ATRNL1: variants seen among roughly 807,000 people sequenced by gnomAD.
ATRNL1 encodes the protein attractin like 1, also known as attractin-like protein 1.
Under a neutral mutation model 182.7 loss-of-function variants are expected in ATRNL1, and 95 were observed. The ratio of observed to expected loss-of-function variants is 0.52; its 90% CI spans 0.44 to 0.62. The LOEUF is 0.62. ATRNL1 is among the 20% of genes least tolerant of loss of function. The pLI, the probability that ATRNL1 is intolerant of heterozygous loss-of-function variation, is 0.00. For missense variants in ATRNL1, 1,471 were observed against 1,679.5 expected, an observed-to-expected ratio of 0.88 and a Z score of 2.17; for synonymous variants, 576 against 568.3, an observed-to-expected ratio of 1.01 and a Z score of -0.19.
chr10:115,580,263 C>T (rs1250096405), intron 26 of ATRNL1, among the ~76,000 whole-genome samples: 2 of 152,078 alleles, frequency 1.3e-5, no homozygotes, highest in Non-Finnish European at 2.9e-5. Context: ...CAGTGACTTC[C>T]TACAGCATTT....
chr10:115,897,731 C>G (rs541585165), intron 28 of ATRNL1, among the ~76,000 whole-genome samples: 103 of 152,258 alleles, frequency 6.8e-4, no homozygotes, highest in African/African-American at 2.4e-3. Context: ...TTTGAGAATG[C>G]AGTCCCCGGA....
chr10:115,364,262 T>G (rs1856905795), intron 19 of ATRNL1, among the ~76,000 whole-genome samples: 1 of 127,334 alleles, frequency 7.9e-6, no homozygotes. Flanking sequence ...TTCCTAGGTA[T>G]TTTATTCTCT....
chr10:115,441,361 T>TA lies in ATRNL1; in HGVS notation c.3322+15060dup, dbSNP rs564187222. Among the ~76,000 whole-genome samples, 115 of 152,028 alleles carry TA rather than the reference T, an allele frequency of 7.6e-4. No homozygotes were observed. In the East Asian group the frequency reaches 0.015, roughly 20 times the overall value. ...TTGCCTAAACTTGTCACCAAATCCT[T>TA]ACCACCCATTTCCTCTTCAATCCCC... On this transcript the variant is annotated intron_variant, in intron 21 of 28. Transcript: ENST00000355044.
chr10:115,859,893 T>TTTC (rs1279707378), intron 28 of ATRNL1, among the ~76,000 whole-genome samples: 1 of 152,218 alleles, frequency 6.6e-6, no homozygotes, highest in African/African-American at 2.4e-5. Context: ...CACAGTGATC[T>TTTC]TTCTCTAAGA....
At chr10:115,803,752 CAT>C (rs1332807214) in intron 27 of ATRNL1, among the ~76,000 whole-genome samples, 1 of 151,958 alleles carries the variant, frequency 6.6e-6, no homozygotes, top group African/African-American at 2.4e-5. Context: ...TGGTTACTAA[CAT>C]ATAAATAAAC....
chr10:115,134,463 A>G (rs1442938606), intron 5 of ATRNL1, among the ~76,000 whole-genome samples: 3 of 152,162 alleles, frequency 2.0e-5, no homozygotes, highest in Non-Finnish European at 2.9e-5. Flanking sequence ...CTCGACACAC[A>G]CACCCTCCCA....
chr10:115,337,003 G>T (rs1181566668), intron 19 of ATRNL1, among the ~76,000 whole-genome samples: 1 of 147,066 alleles, frequency 6.8e-6, no homozygotes, highest in Admixed American at 6.8e-5. Flanking sequence ...ACAGGGGCCC[G>T]CCACCATGCC....
At chr10:115,271,080 T>A (rs1467875367) in intron 13 of ATRNL1, among the ~76,000 whole-genome samples, 1 of 152,012 alleles carries the variant, frequency 6.6e-6, no homozygotes, top group African/African-American at 2.4e-5. Flanking sequence ...AATACTATGA[T>A]GTAAAATCAA....
chr10:115,764,275 C>CAGTT (rs1333805847), intron 27 of ATRNL1, among the ~76,000 whole-genome samples: 2 of 152,160 alleles, frequency 1.3e-5, no homozygotes, highest in African/African-American at 4.8e-5. Context: ...CAGAGTGACA[C>CAGTT]AGTTGTTACA....
intron 5 of ATRNL1, among the ~76,000 whole-genome samples, chr10:115,151,543 T>C (rs1355875868): frequency 1.3e-5 from 2 of 152,256 alleles, no homozygotes; most frequent in Non-Finnish European, 2.9e-5. Context: ...TCTGTTCATA[T>C]CCTTCGCCCA....
chr10:115,451,469 TCAAAAAAAGA>T (rs1554967610), intron 21 of ATRNL1, among the ~76,000 whole-genome samples: 1 of 151,806 alleles, frequency 6.6e-6, no homozygotes, highest in East Asian at 1.9e-4. Context: ...ACAGAAACTT[TCAAAAAAAGA>T]CATACATGTG....
rs782589345 is a variant in ATRNL1 at position 115,093,832 on chromosome 10, G to A, written c.82G>A (p.Gly28Ser). ...GTGGAGGGCTCGGCCGGCGGGCGGC[G>A]GCGGCGGGGGCGCCTCCTCCTGGCT... ...GVWRARPAGG[G>S]GGGASSWLLD... The change falls in exon 1 of 29, where the codon GGC (glycine) becomes AGC (serine). Residue 28 changes from glycine (G) to serine (S), a missense_variant. Around this residue, in one of 3 missense-constraint regions of ATRNL1, gnomAD observed 1,031 missense variants for 1,156.0 expected, o/e 0.89. Transcript: ENST00000355044. The surrounding 1 kb of genome is among the most constrained non-coding windows in gnomAD (Gnocchi z 6.1). The A allele has an allele frequency of 4.0e-6, 6 of 1,509,724 alleles. No homozygotes were observed. Among genetic ancestry groups the A allele is most frequent in the Non-Finnish European group, 4.4e-6 (5 of 1,132,298 alleles). 93.5% of individuals were successfully genotyped at this position (1,509,724 alleles called of 1,614,324 possible). A position where few individuals can be genotyped will look rare whatever the true frequency, so the allele number is the denominator to read the frequency against.
intron 27 of ATRNL1, among the ~76,000 whole-genome samples, chr10:115,780,797 A>G (rs1325701643): frequency 1.3e-5 from 2 of 152,066 alleles, no homozygotes; most frequent in Non-Finnish European, 2.9e-5. Context: ...GCCCTTAAAA[A>G]CCAGCAGTGA....
rs182098984 is a variant in ATRNL1 at position 115,656,744 on chromosome 10, G to A, written c.3796-70504G>A. Reference sequence around the variant, plus strand: ...GAGTGTTCACTGACCCCCAAGTTGTGATTGTTTGTTTTTGAACTGAGTGGT... The same window carrying A: ...GAGTGTTCACTGACCCCCAAGTTGTAATTGTTTGTTTTTGAACTGAGTGGT... On this transcript the variant is annotated intron_variant, in intron 26 of 28. Transcript: ENST00000355044. 5.9e-4 allele frequency among the ~76,000 whole-genome samples: 90 copies of A among 152,256 alleles called. 1 individual carries two copies. In the East Asian group the frequency reaches 0.016, roughly 27 times the overall value.
At chr10:115,289,538 A>AT (rs1156984057) in intron 15 of ATRNL1, among the ~76,000 whole-genome samples, 3 of 151,796 alleles carry the variant, frequency 2.0e-5, no homozygotes, top group South Asian at 4.2e-4. Flanking sequence ...TCTTTGATCC[A>AT]TTTTTTTGTT....
chr10:115,302,620 A>G (rs1554924978), intron 17 of ATRNL1, among the ~76,000 whole-genome samples: 1 of 152,206 alleles, frequency 6.6e-6, no homozygotes, highest in East Asian at 1.9e-4. Context: ...TGGGCTTGCT[A>G]TGAGTTATAC....
intron 28 of ATRNL1, among the ~76,000 whole-genome samples, chr10:115,888,453 C>T (rs1014637028): frequency 3.3e-5 from 5 of 152,132 alleles, no homozygotes; most frequent in South Asian, 2.1e-4. Context: ...AGGTCCTTAC[C>T]GCTCTGGCTC....
chr10:115,447,930 A>G (rs543409380), intron 21 of ATRNL1, among the ~76,000 whole-genome samples: 18 of 152,138 alleles, frequency 1.2e-4, no homozygotes, highest in African/African-American at 2.9e-4. Flanking sequence ...ATATTTGCCA[A>G]TCTGATGGTT....
At chr10:115,255,495 GAGACTTTGCTAAAGTTGTTTATCAGCTTA>G (rs1303481844) in intron 10 of ATRNL1, among the ~76,000 whole-genome samples, 2 of 152,196 alleles carry the variant, frequency 1.3e-5, no homozygotes, top group African/African-American at 4.8e-5. Flanking sequence ...TTTGTATCCT[GAGACTTTGCTAAAGTTGTTTATCAGCTTA>G]AGGAGATTTT....
Sources: allele counts gnomAD v4.1 joint callset (sites outside exome capture counted in the v4.1 genomes callset), GRCh38; gene constraint gnomAD v4.1.1; regional missense constraint gnomAD v4.1.1; non-coding constraint Gnocchi (gnomAD v3.1); transcripts MANE v1.5; gene names NCBI Gene and HGNC (gene_info 2026-07-23, HGNC 2026-07-21).